Variants in PCDHGA5 observed in about 807,000 individuals in gnomAD.
PCDHGA5 encodes the protein protocadherin gamma-A5.
Under a neutral mutation model 56.7 loss-of-function variants are expected in PCDHGA5, and 36 were observed. The observed-to-expected ratio is 0.64, with a 90% CI of 0.49 to 0.84. PCDHGA5 has a LOEUF of 0.84. PCDHGA5 is among the 40% of genes least tolerant of loss of function. The pLI is 0.00. For synonymous variants in PCDHGA5, 563 were observed against 520.2 expected, an observed-to-expected ratio of 1.08 and a Z score of -1.12; for missense variants, 1,305 against 1,201.5, an observed-to-expected ratio of 1.09 and a Z score of -1.27.
chr5:141,378,838 G>A (rs1352949775), intron 1 of PCDHGA5: 5 of 152,196 alleles, frequency 3.3e-5, no homozygotes, highest in Non-Finnish European at 1.5e-5. Flanking sequence ...GAAAACAGCA[G>A]AGTTTTTGAC....
chr5:141,390,173 T>C (rs1212038164), intron 1 of PCDHGA5: 1 of 1,613,616 alleles, frequency 6.2e-7, no homozygotes. Flanking sequence ...CGGAGTTTAA[T>C]TTCCTAAAAT....
At chr5:141,436,959 G>A (rs1385958934) in intron 1 of PCDHGA5, among the ~76,000 whole-genome samples, 1 of 152,120 alleles carries the variant, frequency 6.6e-6, no homozygotes, top group Non-Finnish European at 1.5e-5. Context: ...TCTAAACAAG[G>A]ATCTTGTGAA....
intron 1 of PCDHGA5, among the ~76,000 whole-genome samples, chr5:141,492,964 C>CT (rs2099745347): frequency 6.6e-6 from 1 of 152,354 alleles, no homozygotes; most frequent in Non-Finnish European, 1.5e-5. Context: ...ATCTGACACT[C>CT]TAACAAGTCC....
At chr5:141,370,350 A>C in intron 1 of PCDHGA5, 1 of 1,496,328 alleles carries the variant, frequency 6.7e-7, no homozygotes, top group Non-Finnish European at 9.0e-7. Context: ...TTATTTAAAG[A>C]TCTCCTCTCC....
Position 141,475,063 on chromosome 5 carries a change from C to T in PCDHGA5, c.2422-19744C>T, listed in dbSNP as rs552623067. Among the ~76,000 whole-genome samples the T allele has an allele frequency of 1.1e-4, 16 of 152,320 alleles. No individual in the cohort carries two copies. The South Asian group carries it at 2.9e-3, about 28-fold the overall frequency. The stretch of plus-strand genomic sequence containing the variant: ...TTGTATTTTCTAAAGATTTGTGGAG[C>T]TTTGCTGCCATTATTTCAATAATTT... On this transcript the variant is annotated intron_variant, in intron 1 of 3. Coordinates refer to ENST00000518069, the MANE Select transcript of PCDHGA5 (RefSeq NM_018918.3).
chr5:141,508,723 G>A (rs941469412), intron 3 of PCDHGA5, among the ~76,000 whole-genome samples: 2 of 151,814 alleles, frequency 1.3e-5, no homozygotes, highest in African/African-American at 4.8e-5. Context: ...TGTGTGCAGG[G>A]AGACTACACC....
chr5:141,444,013 C>T (rs1226458485), intron 1 of PCDHGA5, among the ~76,000 whole-genome samples: 2 of 152,060 alleles, frequency 1.3e-5, no homozygotes, highest in Admixed American at 6.6e-5. Flanking sequence ...TGGGTATTGG[C>T]TTCTAAAAGG....
intron 1 of PCDHGA5, among the ~76,000 whole-genome samples, chr5:141,442,717 C>T (rs918238654): frequency 1.3e-5 from 2 of 152,166 alleles, no homozygotes; most frequent in African/African-American, 2.4e-5. Flanking sequence ...CATGCCAGAG[C>T]ATTTGGGGCC....
intron 1 of PCDHGA5, among the ~76,000 whole-genome samples, chr5:141,482,828 T>G (rs1274498876): frequency 4.4e-5 from 6 of 135,272 alleles, no homozygotes; most frequent in Non-Finnish European, 9.5e-5. Flanking sequence ...TCCTAGCACT[T>G]TGGGAGGCCA....
In PCDHGA5 at chr5:141,431,339, T is replaced by A. The variant is rs1374646530; in HGVS notation, c.2422-63468T>A. 7.4e-6 allele frequency: 12 copies of A among 1,613,942 alleles called. No homozygotes were observed. In the Admixed American group the frequency reaches 1.2e-4, roughly 16 times the overall value. ...AGCCGACGGTAGTAAGTACCCCGAA[T>A]TGGTGCTGAAACGCGCCCTGGACCG... On this transcript the variant is annotated intron_variant, in intron 1 of 3. Coordinates refer to ENST00000518069, the MANE Select transcript of PCDHGA5 (RefSeq NM_018918.3). This position sits in a 1 kb window ranked among gnomAD's most constrained non-coding sequence, Gnocchi z 4.8.
chr5:141,378,734 A>C (rs1388674316), intron 1 of PCDHGA5: 1 of 152,216 alleles, frequency 6.6e-6, no homozygotes, highest in Non-Finnish European at 1.5e-5. Flanking sequence ...CTTTATTGAA[A>C]TATTTCAAGA....
intron 2 of PCDHGA5, 142 bp downstream of exon 2, chr5:141,495,007 G>C (rs2099758216): frequency 2.0e-6 from 3 of 1,522,276 alleles, no homozygotes; most frequent in Non-Finnish European, 8.8e-7. Flanking sequence ...TTGGTGTGCG[G>C]GGGGCTGGCA....
rs531285035 is a variant in PCDHGA5, at chr5:141,493,409, C to T, written c.2422-1398C>T. Among the ~76,000 whole-genome samples, 4 of 152,286 alleles carry T rather than the reference C, an allele frequency of 2.6e-5. No homozygotes were observed. The East Asian group carries it at 7.7e-4, about 29-fold the overall frequency. On this transcript the variant is annotated intron_variant, in intron 1 of 3. Coordinates refer to ENST00000518069, the MANE Select transcript of PCDHGA5 (RefSeq NM_018918.3). The surrounding 1 kb of genome is among the most constrained non-coding windows in gnomAD (Gnocchi z 4.3). Reference sequence around the variant, plus strand: ...GGACAGGAGAGGGGAGTTGCCTCTGCTGGGATTTTGCTTCTGCTGGGATGG... The same window carrying T: ...GGACAGGAGAGGGGAGTTGCCTCTGTTGGGATTTTGCTTCTGCTGGGATGG...
At chr5:141,368,517 C>T (rs2149927264) in intron 1 of PCDHGA5, among the ~76,000 whole-genome samples, 1 of 152,138 alleles carries the variant, frequency 6.6e-6, no homozygotes, top group East Asian at 1.9e-4. Flanking sequence ...ATTATTCACT[C>T]CTATGTGAAA....
At chr5:141,383,550 C>T (rs1475330366) in intron 1 of PCDHGA5, 3 of 1,611,980 alleles carry the variant, frequency 1.9e-6, no homozygotes, top group Non-Finnish European at 1.7e-6. Flanking sequence ...CCTCTGATGG[C>T]GGCGACCCGC....
intron 1 of PCDHGA5, chr5:141,418,283 ATCAG>A: frequency 1.9e-6 from 3 of 1,613,996 alleles, no homozygotes; most frequent in Non-Finnish European, 2.5e-6. Context: ...AAACTTAGAA[ATCAG>A]TGAATCCGTC....
intron 1 of PCDHGA5, among the ~76,000 whole-genome samples, chr5:141,401,573 G>A (rs372919699): frequency 4.6e-5 from 7 of 152,128 alleles, no homozygotes; most frequent in East Asian, 3.9e-4. Context: ...TCTCTTGCTC[G>A]GAATCCTGAC....
At chr5:141,418,344 T>G (rs746519142) in intron 1 of PCDHGA5, 1 of 1,614,008 alleles carries the variant, frequency 6.2e-7, no homozygotes, top group Non-Finnish European at 8.5e-7. Context: ...GATCCTGATA[T>G]TAGTATGAAT....
In PCDHGA5 at chr5:141,364,898, A is replaced by T. The variant is rs201286149; in HGVS notation, c.568A>T (p.Lys190Ter). The T allele has an allele frequency of 1.1e-5, 18 of 1,613,800 alleles. No individual in the cohort carries two copies. In the African/African-American group the frequency reaches 2.1e-4, roughly 19 times the overall value. The change falls in exon 1 of 4, where the codon AAG (lysine) becomes TAG (stop). Residue 190 changes from lysine to a stop codon, truncating the protein, a stop_gained. Transcript: ENST00000518069. LOFTEE classifies it high-confidence loss of function. ...LDVVSGTDGQ[K>*]YPELVLEQPL... ...TGTGGTAAGCGGAACTGATGGACAA[A>T]AGTATCCGGAGCTGGTGTTGGAACA...
Sources: allele counts gnomAD v4.1 joint callset (sites outside exome capture counted in the v4.1 genomes callset), GRCh38; gene constraint gnomAD v4.1.1; non-coding constraint Gnocchi (gnomAD v3.1); transcripts MANE v1.5; gene names NCBI Gene and HGNC (gene_info 2026-07-23, HGNC 2026-07-21).